Variants in CD36 observed in about 807,000 individuals in gnomAD.
CD36 encodes the protein platelet glycoprotein 4.
In CD36, 119 loss-of-function variants were observed where a neutral mutation model predicts 55.2. The observed-to-expected ratio is 2.15, with a 90% CI of 1.86 to 2.51. The LOEUF (loss-of-function observed/expected upper bound fraction) is 2.51. CD36 is among the 30% of genes most tolerant of loss of function. The pLI is 0.00. For synonymous variants in CD36, 186 were observed against 193.6 expected, an observed-to-expected ratio of 0.96 and a Z score of 0.33; for missense variants, 819 against 555.5, an observed-to-expected ratio of 1.47 and a Z score of -4.77.
At chr7:80,649,346 T>C (rs1795423704) in intron 3 of CD36, among the ~76,000 whole-genome samples, 1 of 152,072 alleles carries the variant, frequency 6.6e-6, no homozygotes, top group Non-Finnish European at 1.5e-5. Context: ...AAAGTGAGGA[T>C]ACCAGAGATA....
Position 80,674,080 on chromosome 7 carries a change from TTGGTGTGG to T in CD36, c.1355_1362del (p.Gly452AspfsTer99). The T allele has an allele frequency of 6.2e-7, 1 of 1,612,124 alleles. No individual in the cohort carries two copies. Among genetic ancestry groups the T allele is most frequent in the Non-Finnish European group, 8.5e-7 (1 of 1,178,618 alleles). On this transcript the variant is annotated frameshift_variant, in exon 14 of 15. Coordinates refer to ENST00000447544, the MANE Select transcript of CD36 (RefSeq NM_001001548.3). LOFTEE classifies it high-confidence loss of function. ...CTGATAGAAATGATCTTACTCAGTGTTGGTGTGGTGATGTTTGTTGCTTTTATGATTTC... is the reference window on the plus strand; with the variant it reads ...CTGATAGAAATGATCTTACTCAGTGTTGATGTTTGTTGCTTTTATGATTTC...
At chr7:80,635,095 T>G (rs1308491509), upstream of CD36, among the ~76,000 whole-genome samples, 1 of 152,100 alleles carries the variant, frequency 6.6e-6, no homozygotes, top group Non-Finnish European at 1.5e-5. Context: ...AATTATAAAA[T>G]TACTGGGGGA....
chr7:80,673,293 A>T, intron 12 of CD36, 62 bp from the exon 13 acceptor site: 1 of 758,822 alleles, frequency 1.3e-6, no homozygotes, highest in Middle Eastern at 3.9e-4. Context: ...CATTTATTTT[A>T]AAGTTTGTTA....
chr7:80,663,276 T>C, intron 6 of CD36, 107 bp downstream of exon 6: 1 of 937,422 alleles, frequency 1.1e-6, no homozygotes, highest in Non-Finnish European at 1.7e-6. Flanking sequence ...TTATTGCTGA[T>C]CTGGAGACAT....
At chr7:80,641,074 G>C (rs867766831) in intron 1 of CD36, among the ~76,000 whole-genome samples, 1 of 152,012 alleles carries the variant, frequency 6.6e-6, no homozygotes, top group East Asian at 1.9e-4. Flanking sequence ...CAAGTGAAGC[G>C]TGACTGGGAA....
chr7:80,660,161 ATTTC>A (rs993463198), intron 4 of CD36, among the ~76,000 whole-genome samples: 1 of 152,090 alleles, frequency 6.6e-6, no homozygotes, highest in Non-Finnish European at 1.5e-5. Context: ...TATATATCTT[ATTTC>A]TTCTCAGTGA....
chr7:80,610,161 C>T (rs1349413595), intron 1 of CD36, among the ~76,000 whole-genome samples: 1 of 152,132 alleles, frequency 6.6e-6, no homozygotes, highest in East Asian at 1.9e-4. Flanking sequence ...CAAAAATTGG[C>T]ATGAGAATGA....
chr7:80,612,943 G>A (rs1450861972), intron 1 of CD36, among the ~76,000 whole-genome samples: 2 of 152,090 alleles, frequency 1.3e-5, no homozygotes, highest in East Asian at 1.9e-4. Flanking sequence ...AGTGATTCAA[G>A]TCTGTGATTG....
intron 3 of CD36, among the ~76,000 whole-genome samples, chr7:80,648,586 G>A (rs975515957): frequency 1.3e-5 from 2 of 151,972 alleles, no homozygotes; most frequent in Non-Finnish European, 2.9e-5. Flanking sequence ...ACATCAAAAT[G>A]TGCTTTTGTA....
chr7:80,619,907 G>T (rs1793366290), intron 1 of CD36, among the ~76,000 whole-genome samples: 1 of 152,132 alleles, frequency 6.6e-6, no homozygotes, highest in South Asian at 2.1e-4. Flanking sequence ...AAAATAGCAA[G>T]AAAACTAGAA....
chr7:80,617,237 T>A (rs1032346314), intron 1 of CD36, among the ~76,000 whole-genome samples: 1 of 151,912 alleles, frequency 6.6e-6, no homozygotes, highest in Non-Finnish European at 1.5e-5. Flanking sequence ...TTTCAGAGGG[T>A]AGACAGTGGA....
intron 1 of CD36, among the ~76,000 whole-genome samples, chr7:80,623,109 C>G (rs1305798097): frequency 6.6e-6 from 1 of 151,242 alleles, no homozygotes; most frequent in Non-Finnish European, 1.5e-5. Context: ...TATTGAAGAT[C>G]TCATTGTTAG....
In CD36 at chr7:80,656,516, CCAAACTTATTTTCTTTTT is replaced by C; in HGVS notation, c.121-21_121-4del. On this transcript the variant is annotated splice_region_variant and splice_polypyrimidine_tract_variant and intron_variant, in intron 3 of 14. Coordinates refer to ENST00000447544, the MANE Select transcript of CD36 (RefSeq NM_001001548.3). ...CCTGTACTTACTACAAAGACATAACCCAAACTTATTTTCTTTTTCATAGCAAGTTGTCCTCGAAGAAGG... is the reference window on the plus strand; with the variant it reads ...CCTGTACTTACTACAAAGACATAACCCATAGCAAGTTGTCCTCGAAGAAGG... The C allele has an allele frequency of 6.2e-7, 1 of 1,611,090 alleles. No individual in the cohort carries two copies. The highest frequency in any genetic ancestry group is 1.1e-5 in the South Asian group (1 of 90,856).
intron 14 of CD36, chr7:80,674,498 T>A: frequency 3.8e-6 from 1 of 263,882 alleles, no homozygotes; most frequent in Non-Finnish European, 7.4e-6. Context: ...GGAAATGGTT[T>A]CATAAGACCA....
rs1399017608 is a variant in CD36 at position 80,677,417 on chromosome 7, C to CTGTT, written c.*1037_*1040dup. On this transcript the variant is annotated 3_prime_UTR_variant, in exon 15 of 15. Coordinates refer to ENST00000447544, the MANE Select transcript of CD36 (RefSeq NM_001001548.3). ...ACAGGACAAAGGAATAGTAACTGGC[C>CTGTT]TGTTTGGATACTAAAATCGAAAATA... 3 of 152,084 alleles carry CTGTT rather than the reference C, an allele frequency of 2.0e-5. No individual in the cohort carries two copies. The highest frequency in any genetic ancestry group is 2.9e-5 in the Non-Finnish European group (2 of 68,024). 9.4% of individuals were successfully genotyped at this position (152,084 alleles called of 1,614,324 possible). A position where few individuals can be genotyped will look rare whatever the true frequency, so the allele number is the denominator to read the frequency against.
chr7:80,629,898 C>CTT (rs56195239), intron 1 of CD36, among the ~76,000 whole-genome samples: 1 of 146,424 alleles, frequency 6.8e-6, no homozygotes, highest in African/African-American at 2.5e-5. Context: ...CAATAGTAGC[C>CTT]TTTTTTTTTT....
chr7:80,647,113 G>C (rs570904196), intron 3 of CD36: 3 of 411,122 alleles, frequency 7.3e-6, no homozygotes, highest in South Asian at 4.6e-5. Flanking sequence ...CTGTCTACAG[G>C]TATGCATGTT....
intron 14 of CD36, among the ~76,000 whole-genome samples, chr7:80,674,888 C>T (rs1386763574): frequency 6.6e-6 from 1 of 152,032 alleles, no homozygotes; most frequent in Admixed American, 6.6e-5. Context: ...GTGCCAGTAC[C>T]ATGCTAAAGA....
chr7:80,602,968 T>G (rs1277424855), intron 1 of CD36, among the ~76,000 whole-genome samples: 3 of 152,164 alleles, frequency 2.0e-5, no homozygotes, highest in Admixed American at 2.0e-4. Flanking sequence ...ACAATTTGAC[T>G]CCTAGACAGA....
Sources: allele counts gnomAD v4.1 joint callset (sites outside exome capture counted in the v4.1 genomes callset), GRCh38; gene constraint gnomAD v4.1.1; transcripts MANE v1.5; gene names NCBI Gene and HGNC (gene_info 2026-07-23, HGNC 2026-07-21).